Variants in SKAP1 observed in about 807,000 individuals in gnomAD.
SKAP1 encodes src kinase-associated phosphoprotein 1.
SKAP1 carries 44 observed loss-of-function variants against 58.5 expected under a neutral mutation model. The observed-to-expected ratio is 0.75, with a 90% CI of 0.59 to 0.97. The LOEUF is 0.97. Among genes scored for constraint, SKAP1 ranks in the 50% least tolerant of loss-of-function variants. The pLI is 0.00. For synonymous variants in SKAP1, 127 were observed against 149.7 expected (o/e 0.85, Z 1.11); for missense variants, 390 against 435.2 (o/e 0.90, Z 0.92).
chr17:48,395,877 T>C (rs2067412124), intron 2 of SKAP1, among the ~76,000 whole-genome samples: 1 of 152,116 alleles, frequency 6.6e-6, no homozygotes, highest in African/African-American at 2.4e-5. Flanking sequence ...TTCAATGAGG[T>C]TTTTAGAGCA....
intron 4 of SKAP1, among the ~76,000 whole-genome samples, chr17:48,257,869 T>C (rs562613449): frequency 6.6e-6 from 1 of 152,206 alleles, no homozygotes; most frequent in Admixed American, 6.6e-5. Flanking sequence ...AGTTGGAGCC[T>C]CTGAAGCTGT....
At chr17:48,257,628 C>CTTTTTTTTTTTTTTTTTTTGTTTT (rs2065438262) in intron 4 of SKAP1, among the ~76,000 whole-genome samples, 1 of 111,150 alleles carries the variant, frequency 9.0e-6, no homozygotes, top group Non-Finnish European at 1.8e-5. Flanking sequence ...TTCTTTCTTT[C>CTTTTTTTTTTTTTTTTTTTGTTTT]TTTTTTTTTT....
At chr17:48,205,443 A>G (rs2064797905) in intron 4 of SKAP1, among the ~76,000 whole-genome samples, 1 of 152,170 alleles carries the variant, frequency 6.6e-6, no homozygotes, top group African/African-American at 2.4e-5. Flanking sequence ...AAAGATCAAG[A>G]AAAGGAAACC....
At chr17:48,400,941 G>C (rs1229747641) in intron 1 of SKAP1, among the ~76,000 whole-genome samples, 63 of 151,876 alleles carry the variant, frequency 4.1e-4, no homozygotes, top group Admixed American at 4.1e-3. Flanking sequence ...TTTTTTTGTA[G>C]AAATTGAAAA....
chr17:48,374,961 TC>T (rs2067134155), intron 2 of SKAP1, among the ~76,000 whole-genome samples: 1 of 152,150 alleles, frequency 6.6e-6, no homozygotes, highest in African/African-American at 2.4e-5. Flanking sequence ...ATCCTTCTAG[TC>T]CCAATTCCTT....
intron 4 of SKAP1, among the ~76,000 whole-genome samples, chr17:48,322,851 G>A (rs998036516): frequency 3.9e-5 from 6 of 152,278 alleles, no homozygotes; most frequent in Middle Eastern, 3.4e-3. Context: ...ATCCCAGCAC[G>A]TTGGGAGGCC....
At chr17:48,298,115 T>C (rs1187211543) in intron 4 of SKAP1, among the ~76,000 whole-genome samples, 3 of 152,226 alleles carry the variant, frequency 2.0e-5, no homozygotes, top group Non-Finnish European at 4.4e-5. Flanking sequence ...GTTTATCTTT[T>C]AAAAGTTTCC....
chr17:48,307,710 C>T (rs1407426310), intron 4 of SKAP1: 1 of 152,032 alleles, frequency 6.6e-6, no homozygotes, highest in Non-Finnish European at 1.5e-5. Context: ...ACAAAATGAA[C>T]ATAATTTTAA....
At chr17:48,364,381 A>C (rs2144401576) in intron 2 of SKAP1, among the ~76,000 whole-genome samples, 1 of 152,292 alleles carries the variant, frequency 6.6e-6, no homozygotes, top group Non-Finnish European at 1.5e-5. Context: ...TCTTAATTTT[A>C]CAAGTGAAAC....
At chr17:48,402,320 T>C (rs1325038367) in intron 1 of SKAP1, among the ~76,000 whole-genome samples, 3 of 150,298 alleles carry the variant, frequency 2.0e-5, no homozygotes, top group African/African-American at 7.4e-5. Flanking sequence ...TTTACACAAA[T>C]ATTCATAGCA....
intron 4 of SKAP1, among the ~76,000 whole-genome samples, chr17:48,290,952 G>A (rs1015512089): frequency 2.0e-5 from 3 of 152,024 alleles, no homozygotes; most frequent in African/African-American, 7.2e-5. Flanking sequence ...ACCAGCCTGG[G>A]CAACATGGTG....
At chr17:48,201,090 G>A (rs2064721487) in intron 4 of SKAP1, among the ~76,000 whole-genome samples, 1 of 152,092 alleles carries the variant, frequency 6.6e-6, no homozygotes, top group African/African-American at 2.4e-5. Context: ...AGTAAGAAGA[G>A]GCAAGGAAAG....
intron 4 of SKAP1, among the ~76,000 whole-genome samples, chr17:48,278,829 AT>A (rs1312528045): frequency 6.6e-6 from 1 of 152,182 alleles, no homozygotes; most frequent in African/African-American, 2.4e-5. Context: ...TTTCAGACAT[AT>A]TGAGTCAGGT....
At chr17:48,154,666 T>C (rs546186731) in intron 11 of SKAP1, among the ~76,000 whole-genome samples, 1 of 152,156 alleles carries the variant, frequency 6.6e-6, no homozygotes, top group African/African-American at 2.4e-5. Context: ...AAAAAGAGCT[T>C]CTCTTTCCCT....
intron 11 of SKAP1, among the ~76,000 whole-genome samples, chr17:48,150,250 A>G (rs1010860611): frequency 4.6e-5 from 7 of 152,230 alleles, no homozygotes; most frequent in Non-Finnish European, 8.8e-5. Context: ...AGGTGATTGC[A>G]ATTATTGTTT....
At chr17:48,418,335 A>G (rs1420037994) in intron 1 of SKAP1, among the ~76,000 whole-genome samples, 1 of 152,200 alleles carries the variant, frequency 6.6e-6, no homozygotes, top group Non-Finnish European at 1.5e-5. Context: ...AATATTCTAT[A>G]TACTTCTATG....
At chr17:48,399,080 G>A (rs565388432) in intron 1 of SKAP1, among the ~76,000 whole-genome samples, 3 of 144,468 alleles carry the variant, frequency 2.1e-5, no homozygotes, top group South Asian at 2.2e-4. Flanking sequence ...AATAGCCATC[G>A]CTAGGACTTT....
chr17:48,353,139 C>T (rs538282654), intron 3 of SKAP1, among the ~76,000 whole-genome samples: 26 of 152,200 alleles, frequency 1.7e-4, no homozygotes, highest in Middle Eastern at 6.8e-3. Flanking sequence ...AATTTATTAT[C>T]GAGTAATGTA....
Position 48,198,781 on chromosome 17 carries a change from A to G in SKAP1, c.281-9281T>C, listed in dbSNP as rs2064683466. 3.9e-5 allele frequency among the ~76,000 whole-genome samples: 6 copies of G among 152,124 alleles called. No individual in the cohort carries two copies. In the South Asian group the frequency reaches 1.2e-3, roughly 31 times the overall value. ...TCTGTAACCCAACATCCTCAGCTTC[A>G]TTTTTATCCTAAGAATCCATCCTTA... On this transcript the variant is annotated intron_variant, in intron 4 of 12. Coordinates refer to ENST00000336915, the MANE Select transcript of SKAP1 (RefSeq NM_003726.4).
Sources: gnomAD v4.1 joint callset for allele counts (sites outside exome capture counted in the v4.1 genomes callset) on GRCh38, gnomAD v4.1.1 for gene constraint, MANE v1.5 for transcripts, NCBI Gene and HGNC (gene_info 2026-07-23, HGNC 2026-07-21) for gene names.